The following PTPRO variants were observed in gnomAD, a reference collection of about 807,000 sequenced individuals.
PTPRO encodes the protein receptor-type tyrosine-protein phosphatase O.
PTPRO carries 62 observed loss-of-function variants against 145.2 expected under a neutral mutation model. The observed-to-expected ratio is 0.43, with a 90% confidence interval of 0.35 to 0.53. PTPRO has a LOEUF of 0.53. PTPRO is among the 20% of genes least tolerant of loss of function. The pLI is 0.01. For missense variants in PTPRO, 1,345 were observed against 1,482.7 expected (o/e 0.91, Z 1.53); for synonymous variants, 565 against 514.7 (o/e 1.10, Z -1.32).
Position 15,512,268 on chromosome 12 carries a change from C to G in PTPRO, c.1465-3230C>G, listed in dbSNP as rs757893664. 5.9e-5 allele frequency among the ~76,000 whole-genome samples: 9 copies of G among 152,068 alleles called. No homozygotes were observed. The South Asian group carries it at 1.7e-3, about 28-fold the overall frequency. On this transcript the variant is annotated intron_variant, in intron 7 of 26. Coordinates refer to ENST00000281171, the MANE Select transcript of PTPRO (RefSeq NM_030667.3). ...GAGCTGGGACTACAGAAGTGAGCCA[C>G]CACGCCTCACTAATTTTTGTATTTT...
rs967378391 is a variant in PTPRO at position 15,546,860 on chromosome 12, T to C, written c.2304+152T>C. Reference sequence around the variant, plus strand: ...TCACTGATAGAAATTAACAGCAGGCTTAGACCAAGCCCAAAAGTTGTTATG... The same window carrying C: ...TCACTGATAGAAATTAACAGCAGGCCTAGACCAAGCCCAAAAGTTGTTATG... On this transcript the variant is annotated intron_variant, in intron 13 of 26. Coordinates refer to ENST00000281171, the MANE Select transcript of PTPRO (RefSeq NM_030667.3). 3.4e-6 allele frequency: 4 copies of C among 1,165,202 alleles called. No individual in the cohort carries two copies. In the Admixed American group the frequency reaches 7.4e-5, roughly 22 times the overall value. The allele number at this position is 1,165,202 out of a possible 1,614,324, so 72.2% of individuals were successfully genotyped here.
intron 8 of PTPRO, among the ~76,000 whole-genome samples, chr12:15,515,958 TTTTGTTTTG>T (rs1451485215): frequency 6.6e-6 from 1 of 151,170 alleles, no homozygotes; most frequent in Non-Finnish European, 1.5e-5. Context: ...TGTTTGTTTT[TTTTGTTTTG>T]TTTGTCTGGT....
intron 4 of PTPRO, among the ~76,000 whole-genome samples, chr12:15,500,488 G>A (rs1258542213): frequency 6.6e-6 from 1 of 152,180 alleles, no homozygotes; most frequent in Non-Finnish European, 1.5e-5. Flanking sequence ...GACAAAGACT[G>A]ATGAGACAGG....
At chr12:15,405,005 T>A (rs1283287383) in intron 1 of PTPRO, among the ~76,000 whole-genome samples, 1 of 152,134 alleles carries the variant, frequency 6.6e-6, no homozygotes, top group Non-Finnish European at 1.5e-5. Flanking sequence ...AGAGATCATC[T>A]CTCTCATGTC....
At chr12:15,499,352 G>A in intron 3 of PTPRO, 90 bp from the exon 4 acceptor site, 1 of 1,285,188 alleles carries the variant, frequency 7.8e-7, no homozygotes, top group Non-Finnish European at 1.1e-6. Context: ...ATTATTTTGT[G>A]AATGTTTAGC....
intron 1 of PTPRO, among the ~76,000 whole-genome samples, chr12:15,402,810 G>T (rs1254674615): frequency 1.3e-5 from 2 of 152,062 alleles, no homozygotes; most frequent in African/African-American, 4.8e-5. Flanking sequence ...CTCAAACCAA[G>T]TATCATATAA....
At chr12:15,436,646 A>G (rs1419840399) in intron 1 of PTPRO, among the ~76,000 whole-genome samples, 2 of 152,236 alleles carry the variant, frequency 1.3e-5, no homozygotes, top group African/African-American at 4.8e-5. Flanking sequence ...AAAGTGGCAG[A>G]AGTTTTCTCA....
chr12:15,414,879 A>G (rs1051552324), intron 1 of PTPRO, among the ~76,000 whole-genome samples: 1 of 152,170 alleles, frequency 6.6e-6, no homozygotes, highest in African/African-American at 2.4e-5. Flanking sequence ...ACCATTCCCA[A>G]ATCTGTTCTT....
intron 1 of PTPRO, among the ~76,000 whole-genome samples, chr12:15,465,989 A>G (rs1466968935): frequency 1.3e-5 from 2 of 152,194 alleles, no homozygotes; most frequent in African/African-American, 2.4e-5. Flanking sequence ...GCACCCAGCT[A>G]TGTTAGGTGG....
intron 1 of PTPRO, chr12:15,439,986 T>G: frequency 1.5e-6 from 1 of 684,310 alleles, no homozygotes; most frequent in South Asian, 1.5e-5. Flanking sequence ...TGCGGGGCCA[T>G]CATCCTGGCC....
intron 1 of PTPRO, among the ~76,000 whole-genome samples, chr12:15,447,778 T>TA (rs1193089079): frequency 6.6e-6 from 1 of 152,060 alleles, no homozygotes; most frequent in African/African-American, 2.4e-5. Flanking sequence ...AGGACAATTA[T>TA]AGGTACATTG....
At chr12:15,359,818 G>A (rs2136241153) in intron 1 of PTPRO, among the ~76,000 whole-genome samples, 1 of 152,208 alleles carries the variant, frequency 6.6e-6, no homozygotes, top group Non-Finnish European at 1.5e-5. Context: ...TATGTGTTCA[G>A]CATCTCTCTA....
At chr12:15,585,390 G>T (rs374858887) in intron 23 of PTPRO, among the ~76,000 whole-genome samples, 1 of 152,122 alleles carries the variant, frequency 6.6e-6, no homozygotes, top group Non-Finnish European at 1.5e-5. Flanking sequence ...GGTAGCCAGC[G>T]TCTTTGTAGA....
intron 1 of PTPRO, among the ~76,000 whole-genome samples, chr12:15,473,537 G>A (rs183472404): frequency 5.6e-4 from 85 of 152,154 alleles, no homozygotes; most frequent in African/African-American, 2.0e-3. Flanking sequence ...AGTCTGAGGC[G>A]CACAGACCAC....
intron 1 of PTPRO, among the ~76,000 whole-genome samples, chr12:15,449,103 A>G (rs539464350): frequency 6.9e-6 from 1 of 144,664 alleles, no homozygotes; most frequent in South Asian, 2.3e-4. Flanking sequence ...ACAGCCACGT[A>G]GTGAAAGAAG....
intron 1 of PTPRO, among the ~76,000 whole-genome samples, chr12:15,463,620 C>G (rs1276816227): frequency 1.3e-5 from 2 of 152,074 alleles, no homozygotes; most frequent in Non-Finnish European, 2.9e-5. Flanking sequence ...ACCATTATAT[C>G]ATTCAATATT....
chr12:15,544,087 C>T (rs1240871858), intron 12 of PTPRO, among the ~76,000 whole-genome samples: 2 of 151,812 alleles, frequency 1.3e-5, no homozygotes, highest in Non-Finnish European at 2.9e-5. Context: ...GATTTTAATC[C>T]GTTGTTGACA....
At chr12:15,456,323 C>T (rs953942225) in intron 1 of PTPRO, among the ~76,000 whole-genome samples, 5 of 152,148 alleles carry the variant, frequency 3.3e-5, no homozygotes, top group African/African-American at 7.2e-5. Context: ...ATAAATCTCA[C>T]TTGGTCATGG....
intron 7 of PTPRO, among the ~76,000 whole-genome samples, chr12:15,509,797 G>A (rs141498734): frequency 7.7e-4 from 117 of 152,294 alleles, no homozygotes; most frequent in African/African-American, 2.7e-3. Flanking sequence ...ACAGAGGAGA[G>A]TGAGGGGCAG....
Sources: gnomAD v4.1 joint callset for allele counts (sites outside exome capture counted in the v4.1 genomes callset) on GRCh38, gnomAD v4.1.1 for gene constraint, MANE v1.5 for transcripts, NCBI Gene and HGNC (gene_info 2026-07-23, HGNC 2026-07-21) for gene names.